MREG: variants seen among roughly 807,000 people sequenced by gnomAD.
MREG encodes the protein melanoregulin, also known as dilute suppressor protein homolog.
Under a neutral mutation model 28.5 loss-of-function variants are expected in MREG, and 31 were observed. The observed-to-expected ratio is 1.09, with a 90% confidence interval of 0.82 to 1.47. The LOEUF is 1.47. MREG is among the 40% of genes most tolerant of loss of function. The pLI is 0.00. For synonymous variants in MREG, 106 were observed against 95.2 expected, an observed-to-expected ratio of 1.11 and a Z score of -0.66; for missense variants, 256 against 257.4, an observed-to-expected ratio of 0.99 and a Z score of 0.04.
intron 2 of MREG, among the ~76,000 whole-genome samples, chr2:215,968,844 C>A (rs1693013602): frequency 6.6e-6 from 1 of 152,238 alleles, no homozygotes; most frequent in African/African-American, 2.4e-5. Flanking sequence ...CAGCCTCAAC[C>A]TCTGAAGCTC....
At chr2:215,962,299 G>C (rs1692812470) in intron 2 of MREG, among the ~76,000 whole-genome samples, 1 of 152,166 alleles carries the variant, frequency 6.6e-6, no homozygotes, top group Non-Finnish European at 1.5e-5. Flanking sequence ...TAAGCAATAA[G>C]ATTCGAGCTA....
intron 2 of MREG, among the ~76,000 whole-genome samples, chr2:215,978,447 C>A (rs1335129682): frequency 6.6e-6 from 1 of 152,170 alleles, no homozygotes; most frequent in Non-Finnish European, 1.5e-5. Context: ...CGAATTCTAC[C>A]AGAGGTACAA....
At chr2:216,002,522 C>T (rs1461485060) in intron 1 of MREG, among the ~76,000 whole-genome samples, 2 of 152,230 alleles carry the variant, frequency 1.3e-5, no homozygotes, top group South Asian at 2.1e-4. Context: ...AAGACTGAAA[C>T]TCTGAAAACA....
chr2:215,976,598 G>A (rs145576358), intron 2 of MREG, among the ~76,000 whole-genome samples: 2 of 152,282 alleles, frequency 1.3e-5, no homozygotes, highest in Non-Finnish European at 2.9e-5. Flanking sequence ...TATAGGTAAC[G>A]TATTTAGAGC....
intron 2 of MREG, among the ~76,000 whole-genome samples, chr2:215,986,331 G>C (rs1272401581): frequency 2.0e-5 from 3 of 152,092 alleles, no homozygotes; most frequent in Non-Finnish European, 2.9e-5. Context: ...ATGGCGAGTG[G>C]GTTCACATTC....
intron 2 of MREG, among the ~76,000 whole-genome samples, chr2:215,995,503 CACCCCA>C (rs386655073): frequency 7.1e-6 from 1 of 140,360 alleles, no homozygotes; most frequent in African/African-American, 3.1e-5. Flanking sequence ...CACCTCCACC[CACCCCA>C]CCCCCCGCCA....
intron 2 of MREG, among the ~76,000 whole-genome samples, chr2:215,952,978 T>C (rs1692527208): frequency 6.6e-6 from 1 of 152,128 alleles, no homozygotes; most frequent in Admixed American, 6.5e-5. Flanking sequence ...TTTCTCTCTC[T>C]CCCCCTCTCT....
chr2:215,959,329 A>C (rs1025902707), intron 2 of MREG, among the ~76,000 whole-genome samples: 2 of 89,408 alleles, frequency 2.2e-5, no homozygotes, highest in Admixed American at 1.3e-4. Context: ...GGATGAGCCC[A>C]ATCAGACTCC....
chr2:216,002,102 C>T (rs573646165), intron 1 of MREG, among the ~76,000 whole-genome samples: 2 of 152,236 alleles, frequency 1.3e-5, no homozygotes, highest in South Asian at 4.1e-4. Flanking sequence ...CCCTGGCCAC[C>T]ACCTGCTGAT....
At chr2:215,998,308 A>C (rs1223026447) in intron 1 of MREG, among the ~76,000 whole-genome samples, 4 of 133,732 alleles carry the variant, frequency 3.0e-5, no homozygotes, top group South Asian at 4.4e-4. Flanking sequence ...TCCATCTCAC[A>C]AAAAAAAAAA....
chr2:216,001,611 G>A (rs551332980), intron 1 of MREG, among the ~76,000 whole-genome samples: 1 of 152,300 alleles, frequency 6.6e-6, no homozygotes, highest in East Asian at 1.9e-4. Flanking sequence ...GAAAGGTGGG[G>A]TGCCACTGTT....
At chr2:215,981,346 C>T (rs530206124) in intron 2 of MREG, among the ~76,000 whole-genome samples, 12 of 152,304 alleles carry the variant, frequency 7.9e-5, no homozygotes, top group Middle Eastern at 3.4e-3. Flanking sequence ...GAAATGCTGA[C>T]GGCTGCTGCA....
chr2:216,014,437 T>C (rs1178149209), upstream of MREG, among the ~76,000 whole-genome samples: 1 of 152,038 alleles, frequency 6.6e-6, no homozygotes, highest in African/African-American at 2.4e-5. Flanking sequence ...GATCATGAGG[T>C]CAAGAGATTG....
chr2:215,996,259 A>G, intron 2 of MREG, 47 bp downstream of exon 2: 1 of 1,529,248 alleles, frequency 6.5e-7, no homozygotes, highest in Non-Finnish European at 8.8e-7. Context: ...ACTATTTTTT[A>G]CTATATAGCA....
intron 1 of MREG, among the ~76,000 whole-genome samples, chr2:216,025,059 T>G (rs1420439479): frequency 3.3e-5 from 5 of 152,110 alleles, no homozygotes; most frequent in Admixed American, 6.5e-5. Flanking sequence ...GCATAACAGT[T>G]TGTATCCCTT....
intron 2 of MREG, among the ~76,000 whole-genome samples, chr2:215,992,065 A>T (rs1166949931): frequency 3.3e-5 from 5 of 152,204 alleles, no homozygotes; most frequent in Non-Finnish European, 7.3e-5. Context: ...CCTCATCCTG[A>T]TACCAAAACC....
intron 2 of MREG, among the ~76,000 whole-genome samples, chr2:215,976,075 T>C (rs1343231773): frequency 6.7e-6 from 1 of 148,242 alleles, no homozygotes; most frequent in Non-Finnish European, 1.5e-5. Flanking sequence ...ACCACTGCCC[T>C]CCAGCCCAAG....
chr2:215,964,154 A>C (rs1692873333), intron 2 of MREG, among the ~76,000 whole-genome samples: 1 of 152,098 alleles, frequency 6.6e-6, no homozygotes, highest in Admixed American at 6.6e-5. Context: ...ATACCAGAAA[A>C]AGCATTTGAT....
At chr2:216,014,518 G>A (rs1246506731), upstream of MREG, among the ~76,000 whole-genome samples, 2 of 151,934 alleles carry the variant, frequency 1.3e-5, no homozygotes, top group South Asian at 2.1e-4. Context: ...GCATGGTGGC[G>A]GGCGCCTGTA....
Sources: allele counts gnomAD v4.1 joint callset (sites outside exome capture counted in the v4.1 genomes callset), GRCh38; gene constraint gnomAD v4.1.1; transcripts MANE v1.5; gene names NCBI Gene and HGNC (gene_info 2026-07-23, HGNC 2026-07-21).